USP32: variants seen among roughly 807,000 people sequenced by gnomAD.
The protein encoded by USP32 is ubiquitin specific peptidase 32.
USP32 carries 59 observed loss-of-function variants against 204.8 expected under a neutral mutation model. That is an observed-to-expected ratio of 0.29 (90% CI 0.23 to 0.36). The LOEUF (loss-of-function observed/expected upper bound fraction) is 0.36, where lower values mean the gene tolerates loss of function less well. Among genes scored for constraint, USP32 ranks in the 10% least tolerant of loss-of-function variants. USP32 has a pLI of 1.00. For synonymous variants in USP32, 517 were observed against 678.4 expected (o/e 0.76, Z 3.70); for missense variants, 1,160 against 1,946.4 (o/e 0.60, Z 7.60).
chr17:60,259,282 A>G, intron 9 of USP32, among the ~76,000 whole-genome samples: 2 of 152,332 alleles, frequency 1.3e-5, no homozygotes, highest in South Asian at 4.1e-4. Flanking sequence ...GGCCTTTTAA[A>G]GAGAAGAAGT....
At chr17:60,272,559 TA>T (rs2086747856) in intron 5 of USP32, among the ~76,000 whole-genome samples, 1 of 152,226 alleles carries the variant, frequency 6.6e-6, no homozygotes, top group African/African-American at 2.4e-5. Context: ...ATGGAGTAAC[TA>T]GCACCAGACT....
chr17:60,340,694 G>T (rs2088636119), intron 2 of USP32, among the ~76,000 whole-genome samples: 2 of 152,158 alleles, frequency 1.3e-5, no homozygotes. Context: ...TGTTACATGT[G>T]AATTTGATCC....
chr17:60,267,578 A>C (rs113352377), intron 7 of USP32, among the ~76,000 whole-genome samples: 138 of 151,008 alleles, frequency 9.1e-4, no homozygotes, highest in African/African-American at 3.2e-3. Context: ...CCCAGGCTGG[A>C]GTGCAGTTCT....
intron 27 of USP32, among the ~76,000 whole-genome samples, chr17:60,193,852 G>C (rs2084446437): frequency 6.6e-6 from 1 of 152,330 alleles, no homozygotes; most frequent in Non-Finnish European, 1.5e-5. Flanking sequence ...TTGATAGCCT[G>C]TACTGTCTAG....
chr17:60,387,904 C>T (rs1479403846), intron 1 of USP32, among the ~76,000 whole-genome samples: 1 of 152,074 alleles, frequency 6.6e-6, no homozygotes, highest in Non-Finnish European at 1.5e-5. Flanking sequence ...AATATTAATA[C>T]TTTACTGAAA....
intron 1 of USP32, among the ~76,000 whole-genome samples, chr17:60,352,565 T>C (rs911933642): frequency 6.6e-6 from 1 of 152,222 alleles, no homozygotes; most frequent in Admixed American, 6.5e-5. Flanking sequence ...TACAAGTTTA[T>C]GGAAGGCCAT....
At chr17:60,195,622 G>A (rs1001207077) in intron 27 of USP32, among the ~76,000 whole-genome samples, 22 of 152,310 alleles carry the variant, frequency 1.4e-4, no homozygotes, top group Non-Finnish European at 2.6e-4. Flanking sequence ...ACAGGCATGA[G>A]CCACTGCACC....
At position 60,332,695 on chromosome 17, in the gene USP32, T is replaced by A. The variant is rs141282387; in HGVS notation, c.186+12786A>T. On this transcript the variant is annotated intron_variant, in intron 2 of 33. Coordinates refer to ENST00000300896, the MANE Select transcript of USP32 (RefSeq NM_032582.4). ...CCTATATAACCTATGCTTTCCCTTT[T>A]CTCCTGCACCAATATCGGCACCCAG... Among the ~76,000 whole-genome samples the A allele has an allele frequency of 1.3e-4, 20 of 152,262 alleles. No individual in the cohort carries two copies. In the East Asian group the frequency reaches 3.9e-3, roughly 29 times the overall value.
chr17:60,342,266 C>CA (rs2088678048), intron 2 of USP32, among the ~76,000 whole-genome samples: 1 of 152,168 alleles, frequency 6.6e-6, no homozygotes, highest in South Asian at 2.1e-4. Flanking sequence ...TGCAGAACAG[C>CA]AAATATTGCT....
At chr17:60,313,382 T>A (rs564665997) in intron 2 of USP32, among the ~76,000 whole-genome samples, 4 of 152,156 alleles carry the variant, frequency 2.6e-5, no homozygotes, top group African/African-American at 9.7e-5. Context: ...CAGAGTCCAA[T>A]AGAACAAAAT....
At chr17:60,227,898 T>C (rs990340697) in intron 12 of USP32, among the ~76,000 whole-genome samples, 16 of 152,212 alleles carry the variant, frequency 1.1e-4, no homozygotes, top group African/African-American at 3.6e-4. Flanking sequence ...GTAAGTTAAC[T>C]GTATGGCATT....
chr17:60,205,335 T>C, intron 26 of USP32, 112 bp downstream of exon 26: 1 of 1,393,252 alleles, frequency 7.2e-7, no homozygotes, highest in Non-Finnish European at 9.3e-7. Context: ...TTTAAAAAAT[T>C]AAAGAAAAGA....
At chr17:60,208,576 C>A in intron 23 of USP32, 78 bp downstream of exon 23, 1 of 1,439,780 alleles carries the variant, frequency 6.9e-7, no homozygotes, top group Non-Finnish European at 9.1e-7. Context: ...AAACAAATAA[C>A]TATGCTTACA....
chr17:60,392,125 C>A lies in USP32; in HGVS notation c.-186G>T, dbSNP rs2089851111. 1 of 589,060 alleles carries A rather than the reference C, an allele frequency of 1.7e-6. No homozygotes were observed. The highest frequency in any genetic ancestry group is 2.9e-6 in the Non-Finnish European group (1 of 340,626). The allele number at this position is 589,060 out of a possible 1,614,324, so 36.5% of individuals were successfully genotyped here. A position where few individuals can be genotyped will look rare whatever the true frequency, so the allele number is the denominator to read the frequency against. ...CCGGTCGCCGCCACCGCCTCCATGCCGGATCACGTGACTCTTCCGCCCCGC... is the reference window on the plus strand; with the variant it reads ...CCGGTCGCCGCCACCGCCTCCATGCAGGATCACGTGACTCTTCCGCCCCGC... On this transcript the variant is annotated 5_prime_UTR_variant, in exon 1 of 34. Transcript: ENST00000300896.
intron 2 of USP32, among the ~76,000 whole-genome samples, chr17:60,338,700 A>G (rs902599112): frequency 6.6e-6 from 1 of 152,208 alleles, no homozygotes; most frequent in African/African-American, 2.4e-5. Context: ...ACTGCACTCT[A>G]GCCTTGGTGG....
intron 1 of USP32, among the ~76,000 whole-genome samples, chr17:60,365,223 G>A (rs1471926315): frequency 3.3e-5 from 5 of 152,072 alleles, no homozygotes; most frequent in Non-Finnish European, 7.4e-5. Flanking sequence ...GCTCATACCT[G>A]TAATCCCAGT....
chr17:60,327,357 G>A (rs756141801), intron 2 of USP32, among the ~76,000 whole-genome samples: 1 of 151,396 alleles, frequency 6.6e-6, no homozygotes, highest in Non-Finnish European at 1.5e-5. Flanking sequence ...TGGGTCCCCT[G>A]TGCTCCACGT....
intron 9 of USP32, among the ~76,000 whole-genome samples, chr17:60,262,398 G>A (rs1239335142): frequency 6.6e-6 from 1 of 152,172 alleles, no homozygotes; most frequent in African/African-American, 2.4e-5. Flanking sequence ...CGCCATGTTG[G>A]CCAGGCTGGT....
At chr17:60,343,715 A>G (rs2088714473) in intron 2 of USP32, among the ~76,000 whole-genome samples, 1 of 152,214 alleles carries the variant, frequency 6.6e-6, no homozygotes, top group Admixed American at 6.5e-5. Context: ...ATCTAAAATC[A>G]ACACTCTAAC....
Sources: gnomAD v4.1 joint callset for allele counts (sites outside exome capture counted in the v4.1 genomes callset) on GRCh38, gnomAD v4.1.1 for gene constraint, MANE v1.5 for transcripts, NCBI Gene and HGNC (gene_info 2026-07-23, HGNC 2026-07-21) for gene names.